KCNMB2: variants seen among roughly 807,000 people sequenced by gnomAD.
KCNMB2 encodes calcium-activated potassium channel subunit beta-2.
KCNMB2 carries 9 observed loss-of-function variants against 24.5 expected under a neutral mutation model. The ratio of observed to expected loss-of-function variants is 0.37; its 90% CI spans 0.22 to 0.64. The LOEUF is 0.64. Among genes scored for constraint, KCNMB2 ranks in the 30% least tolerant of loss-of-function variants. The probability of loss-of-function intolerance (pLI) is 0.63; values close to 1 mark genes in which losing one functional copy is unlikely to be tolerated. For missense variants in KCNMB2, 226 were observed against 284.3 expected (o/e 0.79, Z 1.47); for synonymous variants, 109 against 104.4 (o/e 1.04, Z -0.27).
At chr3:178,709,109 T>G (rs1326078450) in intron 1 of KCNMB2, among the ~76,000 whole-genome samples, 1 of 152,198 alleles carries the variant, frequency 6.6e-6, no homozygotes, top group Non-Finnish European at 1.5e-5. Context: ...AATGAGTCTC[T>G]GCAAATTCCC....
intron 1 of KCNMB2, among the ~76,000 whole-genome samples, chr3:178,616,749 C>G (rs2108522551): frequency 6.6e-6 from 1 of 152,272 alleles, no homozygotes; most frequent in South Asian, 2.1e-4. Context: ...CCATCTTGCC[C>G]TGCCTCCTGT....
At chr3:178,818,543 C>T (rs577423875) in intron 2 of KCNMB2, among the ~76,000 whole-genome samples, 1 of 152,230 alleles carries the variant, frequency 6.6e-6, no homozygotes, top group African/African-American at 2.4e-5. Context: ...TCTGTTTCTG[C>T]GTTAGTTTGC....
intron 1 of KCNMB2, among the ~76,000 whole-genome samples, chr3:178,693,996 G>A: frequency 6.6e-6 from 1 of 151,822 alleles, no homozygotes; most frequent in East Asian, 1.9e-4. Context: ...TCTTGGGAGG[G>A]TGTGTATTAG....
chr3:178,686,755 C>T (rs531490899), intron 1 of KCNMB2, among the ~76,000 whole-genome samples: 30 of 152,124 alleles, frequency 2.0e-4, no homozygotes, highest in African/African-American at 7.2e-4. Context: ...AAAACTTTCG[C>T]GACACCCAAA....
At chr3:178,549,921 T>C (rs1247927771) in intron 1 of KCNMB2, among the ~76,000 whole-genome samples, 1 of 152,134 alleles carries the variant, frequency 6.6e-6, no homozygotes, top group Non-Finnish European at 1.5e-5. Flanking sequence ...TAAAAAAGTA[T>C]GCATATTTTT....
intron 1 of KCNMB2, among the ~76,000 whole-genome samples, chr3:178,570,445 C>A (rs1219190504): frequency 6.6e-6 from 1 of 150,878 alleles, no homozygotes; most frequent in Non-Finnish European, 1.5e-5. Flanking sequence ...ATGAACCCAA[C>A]TGCAATAGAA....
chr3:178,830,218 A>G (rs993391095), intron 4 of KCNMB2, among the ~76,000 whole-genome samples: 2 of 152,170 alleles, frequency 1.3e-5, no homozygotes, highest in African/African-American at 4.8e-5. Context: ...AATCACATAG[A>G]ATACTTTCCT....
At chr3:178,765,550 C>A (rs1712079040) in intron 1 of KCNMB2, among the ~76,000 whole-genome samples, 1 of 151,362 alleles carries the variant, frequency 6.6e-6, no homozygotes, top group East Asian at 1.9e-4. Flanking sequence ...AATTCTTCTT[C>A]CACAATCCCA....
At chr3:178,614,030 A>G (rs1718590500) in intron 1 of KCNMB2, among the ~76,000 whole-genome samples, 1 of 150,408 alleles carries the variant, frequency 6.6e-6, no homozygotes, top group Admixed American at 6.6e-5. Flanking sequence ...TGTATTTTCA[A>G]ATAGTCTTTC....
chr3:178,737,933 T>TC (rs1723369865), intron 1 of KCNMB2, among the ~76,000 whole-genome samples: 2 of 152,190 alleles, frequency 1.3e-5, no homozygotes, highest in African/African-American at 2.4e-5. Flanking sequence ...CACTGGTATT[T>TC]AGCAAATACT....
chr3:178,758,000 T>TCC lies in KCNMB2; in HGVS notation c.-67-49343_-67-49342insCC, dbSNP rs1205031595. Among the ~76,000 whole-genome samples the TCC allele has an allele frequency of 5.9e-3, 8 of 1,366 alleles. 1 individual carries two copies. The South Asian group carries it at 0.38, about 64-fold the overall frequency. 0.9% of individuals were successfully genotyped at this position (1,366 alleles called of 152,430 possible). On this transcript the variant is annotated intron_variant, in intron 1 of 4. Transcript: ENST00000452583. ...ACACAAGAGGATATATATATATATCTAGATATATATATATATATATCTAGA... is the reference window on the plus strand; with the variant it reads ...ACACAAGAGGATATATATATATATCTCCAGATATATATATATATATATCTAGA...
chr3:178,552,311 A>T (rs1055199654), intron 1 of KCNMB2, among the ~76,000 whole-genome samples: 1 of 152,018 alleles, frequency 6.6e-6, no homozygotes, highest in Non-Finnish European at 1.5e-5. Context: ...TTCATAACAG[A>T]TTTCCTATTC....
chr3:178,766,869 G>T (rs1209121280), intron 1 of KCNMB2, among the ~76,000 whole-genome samples: 1 of 152,112 alleles, frequency 6.6e-6, no homozygotes, highest in East Asian at 1.9e-4. Context: ...TTTGCCCTAA[G>T]GAAATGCTTA....
chr3:178,797,760 A>G (rs904909703), intron 1 of KCNMB2, among the ~76,000 whole-genome samples: 14 of 152,204 alleles, frequency 9.2e-5, no homozygotes, highest in Non-Finnish European at 1.9e-4. Flanking sequence ...GATTCTTCCT[A>G]TCCATGAGCA....
chr3:178,701,131 G>C (rs59938076), intron 1 of KCNMB2, among the ~76,000 whole-genome samples: 49,807 of 152,098 alleles, frequency 0.33, 8,878 homozygotes, highest in African/African-American at 0.47. Flanking sequence ...ATTAATTGTT[G>C]TATAAGGTGT....
At chr3:178,557,408 C>T (rs1460476018) in intron 1 of KCNMB2, among the ~76,000 whole-genome samples, 1 of 152,136 alleles carries the variant, frequency 6.6e-6, no homozygotes, top group Non-Finnish European at 1.5e-5. Context: ...TGAAAGGACT[C>T]CTGATGAATG....
At chr3:178,609,210 T>C (rs994336981) in intron 1 of KCNMB2, among the ~76,000 whole-genome samples, 2 of 152,230 alleles carry the variant, frequency 1.3e-5, no homozygotes, top group Admixed American at 1.3e-4. Context: ...GATATGTCAT[T>C]ATAGTTTTGC....
chr3:178,624,730 C>T (rs1268856025), intron 1 of KCNMB2, among the ~76,000 whole-genome samples: 1 of 142,846 alleles, frequency 7.0e-6, no homozygotes, highest in Non-Finnish European at 1.5e-5. Flanking sequence ...CTTGGGGGCT[C>T]AGGGAGGGGT....
intron 1 of KCNMB2, among the ~76,000 whole-genome samples, chr3:178,720,588 G>A (rs1722768124): frequency 7.8e-6 from 1 of 128,100 alleles, no homozygotes; most frequent in Non-Finnish European, 1.6e-5. Flanking sequence ...CTACTTTACA[G>A]TCCCACCAAC....
Sources: gnomAD v4.1 joint callset for allele counts (sites outside exome capture counted in the v4.1 genomes callset) on GRCh38, gnomAD v4.1.1 for gene constraint, MANE v1.5 for transcripts, NCBI Gene and HGNC (gene_info 2026-07-23, HGNC 2026-07-21) for gene names.